The following CHST8 variants were observed in gnomAD, a reference collection of about 807,000 sequenced individuals.
The protein encoded by CHST8 is GALNAC-4-ST1.
In CHST8, 10 loss-of-function variants were observed where a neutral mutation model predicts 15.0. That is an observed-to-expected ratio of 0.67 (90% CI 0.41 to 1.13). The LOEUF (loss-of-function observed/expected upper bound fraction) is 1.13. Among genes scored for constraint, CHST8 ranks in the 50% most tolerant of loss-of-function variants. The pLI, the probability that CHST8 is intolerant of heterozygous loss-of-function variation, is 0.00. For missense variants in CHST8, 634 were observed against 608.2 expected, an observed-to-expected ratio of 1.04 and a Z score of -0.45; for synonymous variants, 259 against 256.6, an observed-to-expected ratio of 1.01 and a Z score of -0.09.
At chr19:33,762,937 C>T (rs1015566390) in intron 3 of CHST8, among the ~76,000 whole-genome samples, 2 of 151,590 alleles carry the variant, frequency 1.3e-5, no homozygotes, top group African/African-American at 2.4e-5. Flanking sequence ...TCTCAGCTCA[C>T]TGCAATCTCT....
intron 3 of CHST8, among the ~76,000 whole-genome samples, chr19:33,751,670 G>A (rs1452767662): frequency 6.6e-6 from 1 of 152,210 alleles, no homozygotes; most frequent in Non-Finnish European, 1.5e-5. Context: ...CAAGGACATG[G>A]AATCAGACAG....
At chr19:33,664,236 T>A (rs556512631) in intron 1 of CHST8, among the ~76,000 whole-genome samples, 1 of 152,262 alleles carries the variant, frequency 6.6e-6, no homozygotes, top group South Asian at 2.1e-4. Context: ...GAACTGGGAA[T>A]CTATATGGTT....
chr19:33,699,368 ACCTGGC>A (rs1973288224), intron 3 of CHST8, among the ~76,000 whole-genome samples: 1 of 152,050 alleles, frequency 6.6e-6, no homozygotes, highest in African/African-American at 2.4e-5. Flanking sequence ...TGGAGGGGAG[ACCTGGC>A]CCTGGCTCAG....
At chr19:33,763,164 C>T (rs552893423) in intron 3 of CHST8, among the ~76,000 whole-genome samples, 26 of 152,328 alleles carry the variant, frequency 1.7e-4, no homozygotes, top group Admixed American at 7.8e-4. Context: ...GGCCTGTCTT[C>T]TAATTTTTGA....
At chr19:33,665,117 G>C (rs1972639358) in intron 1 of CHST8, among the ~76,000 whole-genome samples, 1 of 152,136 alleles carries the variant, frequency 6.6e-6, no homozygotes, top group Admixed American at 6.5e-5. Flanking sequence ...ATATACCCAG[G>C]AGTGGATCAT....
Position 33,653,851 on chromosome 19 carries a change from A to T in CHST8, c.-163-13916A>T, listed in dbSNP as rs141844260. On this transcript the variant is annotated intron_variant, in intron 1 of 4. Coordinates refer to ENST00000650847, the MANE Select transcript of CHST8 (RefSeq NM_001127895.2). ...AGCTCTACGTAAACCTTGGTGATTAATGTTCTCTTGAGTGCCCTAGAGACT... is the reference window on the plus strand; with the variant it reads ...AGCTCTACGTAAACCTTGGTGATTATTGTTCTCTTGAGTGCCCTAGAGACT... Among the ~76,000 whole-genome samples, 454 of 152,290 alleles carry T rather than the reference A, an allele frequency of 3.0e-3. 2 individuals are homozygous for T. Among genetic ancestry groups the T allele is most frequent in the African/African-American group, 0.011 (440 of 41,562 alleles).
At chr19:33,692,067 G>A (rs1973108319) in intron 3 of CHST8, among the ~76,000 whole-genome samples, 1 of 152,162 alleles carries the variant, frequency 6.6e-6, no homozygotes, top group Admixed American at 6.5e-5. Flanking sequence ...ACATGGATCA[G>A]CCAGCCAAGC....
intron 2 of CHST8, among the ~76,000 whole-genome samples, chr19:33,685,998 G>A (rs1221417126): frequency 6.6e-6 from 1 of 152,188 alleles, no homozygotes. Context: ...TTTGATTCCT[G>A]TTTGCACGGA....
chr19:33,698,388 GAAA>G (rs869303685), intron 3 of CHST8, among the ~76,000 whole-genome samples: 2 of 94,026 alleles, frequency 2.1e-5, no homozygotes, highest in South Asian at 6.5e-4. Flanking sequence ...ATCTCAAAAA[GAAA>G]AAAAAAAAAA....
In CHST8 at chr19:33,679,500, G is replaced by A. The variant is rs111740813; in HGVS notation, c.-86-9676G>A. On this transcript the variant is annotated intron_variant, in intron 2 of 4. Coordinates refer to ENST00000650847, the MANE Select transcript of CHST8 (RefSeq NM_001127895.2). ...TGTGTATCTGTGTGAGTGTGCACAC[G>A]CATGCGTGTCTGTTGCAGGGACATT... 9.2e-5 allele frequency among the ~76,000 whole-genome samples: 14 copies of A among 152,290 alleles called. 1 individual carries two copies. The highest frequency in any genetic ancestry group is 2.4e-4 in the African/African-American group (10 of 41,576).
At chr19:33,736,805 A>G (rs1368506599) in intron 3 of CHST8, among the ~76,000 whole-genome samples, 1 of 152,116 alleles carries the variant, frequency 6.6e-6, no homozygotes, top group Non-Finnish European at 1.5e-5. Flanking sequence ...TTTGTCCCCA[A>G]CATTCATGAA....
chr19:33,674,205 T>C (rs1446576521), intron 2 of CHST8, among the ~76,000 whole-genome samples: 1 of 152,194 alleles, frequency 6.6e-6, no homozygotes, highest in Non-Finnish European at 1.5e-5. Flanking sequence ...TGGCCCTGGC[T>C]AGAGGCCTCC....
chr19:33,704,946 A>G (rs1421452537), intron 3 of CHST8, among the ~76,000 whole-genome samples: 11 of 151,608 alleles, frequency 7.3e-5, no homozygotes, highest in Admixed American at 7.2e-4. Flanking sequence ...GGTAACATAC[A>G]TTTATGTGGA....
intron 3 of CHST8, among the ~76,000 whole-genome samples, chr19:33,741,013 A>G (rs1974177974): frequency 6.6e-6 from 1 of 152,224 alleles, no homozygotes; most frequent in Non-Finnish European, 1.5e-5. Context: ...TTCTGAAAAC[A>G]GCACTCCCTC....
chr19:33,632,513 A>G (rs1194454011), intron 1 of CHST8, among the ~76,000 whole-genome samples: 2 of 151,994 alleles, frequency 1.3e-5, no homozygotes, highest in African/African-American at 2.4e-5. Context: ...TGCATGCACC[A>G]TTGTACATAT....
At chr19:33,682,280 C>T (rs1490166321) in intron 2 of CHST8, among the ~76,000 whole-genome samples, 3 of 148,676 alleles carry the variant, frequency 2.0e-5, no homozygotes, top group African/African-American at 7.5e-5. Flanking sequence ...GCAACCTCTG[C>T]CTCCCAGGTT....
Position 33,773,186 on chromosome 19 carries a change from C to G in CHST8, c.*123C>G. 4 of 1,174,150 alleles carry G rather than the reference C, an allele frequency of 3.4e-6. 1 individual carries two copies. The South Asian group carries it at 6.4e-5, about 19-fold the overall frequency. 72.7% of individuals were successfully genotyped at this position (1,174,150 alleles called of 1,614,324 possible). On this transcript the variant is annotated 3_prime_UTR_variant, in exon 5 of 5. Coordinates refer to ENST00000650847, the MANE Select transcript of CHST8 (RefSeq NM_001127895.2). ...GCTCTGAGGACGTGAGGAGCCATCG[C>G]TGTGGGAGGCAGCAGGCCCCGGGTG...
At position 33,772,061 on chromosome 19, in the gene CHST8, G is replaced by T. The variant is rs765158776; in HGVS notation, c.273G>T (p.Ala91=). 1.2e-6 allele frequency: 2 copies of T among 1,612,244 alleles called. No individual in the cohort carries two copies. Among genetic ancestry groups the T allele is most frequent in the African/African-American group, 2.7e-5 (2 of 74,924 alleles). ...SGAPRGRNLP[A]PDQPQPPLQR... ...CCCCGAGGGGCCGCAACCTGCCAGC[G>T]CCTGACCAGCCTCAACCCCCGCTGC... Residue 91 remains alanine, a synonymous_variant, in exon 5 of 5, where the codon GCG becomes GCT. Coordinates refer to ENST00000650847, the MANE Select transcript of CHST8 (RefSeq NM_001127895.2).
At chr19:33,701,380 A>T (rs1973333718) in intron 3 of CHST8, among the ~76,000 whole-genome samples, 1 of 152,216 alleles carries the variant, frequency 6.6e-6, no homozygotes, top group African/African-American at 2.4e-5. Context: ...ATGAAAAATA[A>T]TGAGCATGTA....
Sources: allele counts gnomAD v4.1 joint callset (sites outside exome capture counted in the v4.1 genomes callset), GRCh38; gene constraint gnomAD v4.1.1; transcripts MANE v1.5; gene names NCBI Gene and HGNC (gene_info 2026-07-23, HGNC 2026-07-21).